The following GAS7 variants were observed in gnomAD, a reference collection of about 807,000 sequenced individuals.
GAS7 encodes the protein growth arrest-specific protein 7.
A neutral mutation model predicts 71.1 loss-of-function variants in GAS7; 28 were observed. The ratio of observed to expected loss-of-function variants is 0.39; its 90% CI spans 0.29 to 0.54. The LOEUF is 0.54. Ranked by LOEUF, GAS7 falls within the 20% of genes least tolerant of loss-of-function variation. The pLI is 0.62. For missense variants in GAS7, 436 were observed against 627.8 expected, an observed-to-expected ratio of 0.69 and a Z score of 3.27; for synonymous variants, 258 against 245.8, an observed-to-expected ratio of 1.05 and a Z score of -0.46.
At chr17:10,081,956 A>C (rs907397047) in intron 1 of GAS7, among the ~76,000 whole-genome samples, 5 of 152,216 alleles carry the variant, frequency 3.3e-5, no homozygotes, top group African/African-American at 1.2e-4. Context: ...GACAGGCATA[A>C]GGATAAGCAT....
At chr17:9,947,764 C>CA (rs11401652) in intron 5 of GAS7, among the ~76,000 whole-genome samples, 46,948 of 94,368 alleles carry the variant, frequency 0.5, 9,158 homozygotes, top group African/African-American at 0.62. Context: ...AACTATGTCT[C>CA]AAAAAAAAAA....
chr17:10,173,220 GT>G (rs1478085230), intron 1 of GAS7, among the ~76,000 whole-genome samples: 1 of 152,154 alleles, frequency 6.6e-6, no homozygotes. Context: ...ATGAGTATGG[GT>G]TACTTTCGGG....
intron 1 of GAS7, among the ~76,000 whole-genome samples, chr17:10,020,629 T>C (rs1205771778): frequency 6.6e-6 from 1 of 151,238 alleles, no homozygotes; most frequent in African/African-American, 2.4e-5. Flanking sequence ...AAAACAACCA[T>C]GGCCGGGCGC....
In GAS7 at chr17:9,932,970, A is replaced by G. The variant is rs943055076; in HGVS notation, c.885+1196T>C. On this transcript the variant is annotated intron_variant, in intron 9 of 13. Coordinates refer to ENST00000432992, the MANE Select transcript of GAS7 (RefSeq NM_201433.2). ...GGTGGATCATGAGGTGAGGAGTTCA[A>G]CACCAGCCTGGCCAACACGGTGAAA... 3.3e-5 allele frequency among the ~76,000 whole-genome samples: 5 copies of G among 152,094 alleles called. 1 individual carries two copies. The highest frequency in any genetic ancestry group is 1.2e-4 in the African/African-American group (5 of 41,408).
At chr17:10,092,142 C>A (rs116451802) in intron 1 of GAS7, among the ~76,000 whole-genome samples, 61 of 152,284 alleles carry the variant, frequency 4.0e-4, no homozygotes, top group African/African-American at 1.4e-3. Context: ...ACCTCTCTGA[C>A]TTCGCACATG....
At chr17:9,968,624 G>A (rs979464760) in intron 4 of GAS7, among the ~76,000 whole-genome samples, 1 of 152,170 alleles carries the variant, frequency 6.6e-6, no homozygotes, top group Non-Finnish European at 1.5e-5. Context: ...TATACTAACA[G>A]CCAATGGGTC....
intron 1 of GAS7, among the ~76,000 whole-genome samples, chr17:10,089,027 G>A (rs1406515913): frequency 6.6e-6 from 1 of 152,036 alleles, no homozygotes; most frequent in African/African-American, 2.4e-5. Context: ...CAGGCATGGT[G>A]GCAGGTGCCT....
In GAS7 at chr17:9,914,844, G is replaced by T. The variant is rs942976485; in HGVS notation, c.*2384C>A. The T allele has an allele frequency of 2.6e-5, 6 of 230,978 alleles. No individual in the cohort carries two copies. The highest frequency in any genetic ancestry group is 4.3e-5 in the Non-Finnish European group (5 of 116,662). 14.3% of individuals were successfully genotyped at this position (230,978 alleles called of 1,614,324 possible). A position where few individuals can be genotyped will look rare whatever the true frequency, so the allele number is the denominator to read the frequency against. On this transcript the variant is annotated 3_prime_UTR_variant, in exon 14 of 14. Coordinates refer to ENST00000432992, the MANE Select transcript of GAS7 (RefSeq NM_201433.2). The stretch of plus-strand genomic sequence containing the variant: ...GGCTTGTCTTGAGCATTCGCTGAAT[G>T]AATGCAGATTAATCAGAACAACAGA...
chr17:10,013,583 G>A (rs969866667), intron 2 of GAS7, among the ~76,000 whole-genome samples: 3 of 152,214 alleles, frequency 2.0e-5, no homozygotes, highest in Middle Eastern at 3.2e-3. Flanking sequence ...CAAAGTCCAC[G>A]GAGCATGCTC....
intron 2 of GAS7, among the ~76,000 whole-genome samples, chr17:9,987,656 G>C (rs1384909661): frequency 1.3e-5 from 2 of 152,250 alleles, no homozygotes; most frequent in Admixed American, 1.3e-4. Context: ...TGAATAATTT[G>C]TAAAGTGAGA....
intron 1 of GAS7, among the ~76,000 whole-genome samples, chr17:10,180,923 C>A (rs1014690688): frequency 2.0e-5 from 3 of 151,594 alleles, no homozygotes; most frequent in African/African-American, 7.3e-5. Context: ...TACAAGGACG[C>A]TAAAGGCTTA....
intron 1 of GAS7, among the ~76,000 whole-genome samples, chr17:10,185,677 T>A (rs927340432): frequency 3.3e-5 from 5 of 152,078 alleles, no homozygotes. Flanking sequence ...ACATATGAAG[T>A]GGGGCACTCT....
At chr17:9,966,030 GCT>G (rs369726569) in intron 4 of GAS7, among the ~76,000 whole-genome samples, 3,686 of 130,708 alleles carry the variant, frequency 0.028, 173 homozygotes, top group Admixed American at 0.11. Flanking sequence ...ATGGAGTCTC[GCT>G]CTGTCGCCCA....
intron 1 of GAS7, among the ~76,000 whole-genome samples, chr17:10,182,268 T>G (rs1033677249): frequency 2.0e-5 from 3 of 152,066 alleles, no homozygotes; most frequent in African/African-American, 7.2e-5. Context: ...CAAGCGATTC[T>G]CCTGCCTCAG....
At chr17:10,084,763 G>A (rs1312719183) in intron 1 of GAS7, among the ~76,000 whole-genome samples, 4 of 152,204 alleles carry the variant, frequency 2.6e-5, no homozygotes, top group East Asian at 1.9e-4. Flanking sequence ...CCCCGTGCCC[G>A]GCCCCTTTCC....
rs1271914819 is a variant in GAS7 at position 9,912,708 on chromosome 17, G to C, written c.*4520C>G. On this transcript the variant is annotated 3_prime_UTR_variant, in exon 14 of 14. Coordinates refer to ENST00000432992, the MANE Select transcript of GAS7 (RefSeq NM_201433.2). ...GTGTGAGCCCTAAGAACAGCTTGTG[G>C]GCACAGCTGGCATTTGGAGGAGGAG... 4.3e-6 allele frequency: 1 copy of C among 232,708 alleles called. No homozygotes were observed. Among genetic ancestry groups the C allele is most frequent in the Non-Finnish European group, 8.5e-6 (1 of 117,776 alleles). 14.4% of individuals were successfully genotyped at this position (232,708 alleles called of 1,614,324 possible).
intron 1 of GAS7, among the ~76,000 whole-genome samples, chr17:10,124,093 C>T (rs1263419745): frequency 2.0e-5 from 3 of 152,228 alleles, no homozygotes; most frequent in Admixed American, 6.5e-5. Context: ...CTCTCCTTCC[C>T]GTGAATGGGG....
intron 1 of GAS7, among the ~76,000 whole-genome samples, chr17:10,039,137 C>CAAACA (rs971150635): frequency 7.3e-5 from 11 of 151,282 alleles, no homozygotes; most frequent in Middle Eastern, 3.4e-3. Flanking sequence ...GATGGCTGCA[C>CAAACA]AAACACGTGG....
At chr17:10,187,327 A>G (rs2074463074) in intron 1 of GAS7, among the ~76,000 whole-genome samples, 1 of 152,188 alleles carries the variant, frequency 6.6e-6, no homozygotes, top group African/African-American at 2.4e-5. Context: ...ATGTTGCTTT[A>G]CCACTGAGAT....
Sources: gnomAD v4.1 joint callset for allele counts (sites outside exome capture counted in the v4.1 genomes callset) on GRCh38, gnomAD v4.1.1 for gene constraint, MANE v1.5 for transcripts, NCBI Gene and HGNC (gene_info 2026-07-23, HGNC 2026-07-21) for gene names.